Variants in WDFY2 observed in about 807,000 individuals in gnomAD.
WDFY2 encodes the protein WD repeat and FYVE domain-containing protein 2.
Under a neutral mutation model 56.4 loss-of-function variants are expected in WDFY2, and 36 were observed. The ratio of observed to expected loss-of-function variants is 0.64; its 90% CI spans 0.49 to 0.84. The LOEUF is 0.84. Ranked by LOEUF, WDFY2 falls within the 40% of genes least tolerant of loss-of-function variation. The pLI, the probability that WDFY2 is intolerant of heterozygous loss-of-function variation, is 0.00. For missense variants in WDFY2, 444 were observed against 512.2 expected (o/e 0.87, Z 1.29); for synonymous variants, 176 against 183.7 (o/e 0.96, Z 0.34).
At chr13:51,726,596 T>A (rs1423632783) in intron 5 of WDFY2, among the ~76,000 whole-genome samples, 6 of 152,208 alleles carry the variant, frequency 3.9e-5, no homozygotes, top group Non-Finnish European at 7.3e-5. Flanking sequence ...AAGCAGGTAT[T>A]CAGTGTAAGC....
chr13:51,587,014 G>A (rs1413434373), intron 1 of WDFY2: 1 of 152,078 alleles, frequency 6.6e-6, no homozygotes, highest in East Asian at 1.9e-4. Flanking sequence ...CTAAATATAT[G>A]AAAATGTAAT....
rs1382860483 is a variant in WDFY2, at chr13:51,759,929, C to A, written c.*160C>A. On this transcript the variant is annotated 3_prime_UTR_variant, in exon 12 of 12. Coordinates refer to ENST00000298125, the MANE Select transcript of WDFY2 (RefSeq NM_052950.4). ...ACCCATGTGCACAGTGGGGACCTGG[C>A]CAGTGAGCACTCGCAAGGGGACTCT... 1.7e-5 allele frequency: 11 copies of A among 658,618 alleles called. No individual in the cohort carries two copies. In the East Asian group the frequency reaches 2.7e-4, roughly 16 times the overall value. 40.8% of individuals were successfully genotyped at this position (658,618 alleles called of 1,614,324 possible). A position where few individuals can be genotyped will look rare whatever the true frequency, so the allele number is the denominator to read the frequency against.
intron 10 of WDFY2, among the ~76,000 whole-genome samples, chr13:51,756,876 G>A (rs1012818179): frequency 3.9e-5 from 6 of 152,190 alleles, no homozygotes; most frequent in African/African-American, 1.4e-4. Flanking sequence ...GAGCTAAGTC[G>A]CTTTACCCAA....
chr13:51,625,722 A>G (rs1051496597), intron 1 of WDFY2, among the ~76,000 whole-genome samples: 3 of 152,212 alleles, frequency 2.0e-5, no homozygotes, highest in Non-Finnish European at 4.4e-5. Context: ...CTGAAATCCT[A>G]TGGAATTCAG....
At chr13:51,630,767 CT>C (rs892945137) in intron 1 of WDFY2, among the ~76,000 whole-genome samples, 163 of 135,682 alleles carry the variant, frequency 1.2e-3, no homozygotes, top group Middle Eastern at 3.8e-3. Flanking sequence ...TCAAGTTTTT[CT>C]TTTTTTTTTT....
intron 4 of WDFY2, among the ~76,000 whole-genome samples, chr13:51,716,545 T>C (rs1342863005): frequency 6.7e-6 from 1 of 150,342 alleles, no homozygotes; most frequent in East Asian, 1.9e-4. Flanking sequence ...ACAAAAAAAT[T>C]AGCCGGGCGT....
chr13:51,681,008 TTC>T (rs1430780303), intron 3 of WDFY2, among the ~76,000 whole-genome samples: 2 of 152,162 alleles, frequency 1.3e-5, no homozygotes, highest in African/African-American at 4.8e-5. Context: ...GGGCAGGAAT[TTC>T]AGCATTTAAT....
intron 1 of WDFY2, among the ~76,000 whole-genome samples, chr13:51,593,392 A>G (rs925622897): frequency 6.6e-6 from 1 of 152,198 alleles, no homozygotes; most frequent in African/African-American, 2.4e-5. Flanking sequence ...TGTTATACAT[A>G]TAGGTGTCCC....
intron 3 of WDFY2, among the ~76,000 whole-genome samples, chr13:51,689,582 C>A (rs180996165): frequency 1.3e-5 from 2 of 152,032 alleles, no homozygotes; most frequent in African/African-American, 4.8e-5. Flanking sequence ...TTATGGAGTT[C>A]GGAGCCTAAG....
At chr13:51,599,837 A>T (rs1222654452) in intron 1 of WDFY2, among the ~76,000 whole-genome samples, 1 of 152,114 alleles carries the variant, frequency 6.6e-6, no homozygotes, top group Non-Finnish European at 1.5e-5. Flanking sequence ...GTACTATTCA[A>T]CTTTTGTCAT....
chr13:51,669,038 A>G (rs1446942600), intron 2 of WDFY2, among the ~76,000 whole-genome samples: 3 of 152,236 alleles, frequency 2.0e-5, no homozygotes, highest in East Asian at 3.8e-4. Context: ...AATTTTAAAA[A>G]TACCAATTTT....
intron 4 of WDFY2, among the ~76,000 whole-genome samples, chr13:51,714,064 T>A (rs1303442071): frequency 6.6e-6 from 1 of 152,132 alleles, no homozygotes; most frequent in African/African-American, 2.4e-5. Context: ...AGTGTGAATG[T>A]ACTTAATGCC....
chr13:51,712,485 G>T (rs555860119), intron 4 of WDFY2, among the ~76,000 whole-genome samples: 1 of 152,214 alleles, frequency 6.6e-6, no homozygotes, highest in Non-Finnish European at 1.5e-5. Context: ...TTTATGGTAT[G>T]ATGCCATAGC....
chr13:51,699,191 A>G (rs1308925220), intron 3 of WDFY2, among the ~76,000 whole-genome samples: 3 of 152,234 alleles, frequency 2.0e-5, no homozygotes, highest in Non-Finnish European at 4.4e-5. Context: ...TAGGTGGTAC[A>G]ACTTTCTACA....
chr13:51,700,334 AAAAG>A (rs1310305828), intron 3 of WDFY2, among the ~76,000 whole-genome samples: 2 of 152,198 alleles, frequency 1.3e-5, no homozygotes, highest in African/African-American at 2.4e-5. Flanking sequence ...AAATAATAAA[AAAAG>A]AAGGAATAGA....
chr13:51,740,584 C>T (rs951119386), intron 7 of WDFY2, among the ~76,000 whole-genome samples: 2 of 151,982 alleles, frequency 1.3e-5, no homozygotes, highest in East Asian at 1.9e-4. Context: ...CATAGTGGCG[C>T]GTGCCTGTAA....
rs914299748 is a variant in WDFY2 at position 51,763,967 on chromosome 13, T to C, written c.*4198T>C. The C allele has an allele frequency of 3.3e-5, 5 of 152,244 alleles. No homozygotes were observed. The highest frequency in any genetic ancestry group is 1.2e-4 in the African/African-American group (5 of 41,464). The allele number at this position is 152,244 out of a possible 1,614,324, so 9.4% of individuals were successfully genotyped here. A position where few individuals can be genotyped will look rare whatever the true frequency, so the allele number is the denominator to read the frequency against. On this transcript the variant is annotated 3_prime_UTR_variant, in exon 12 of 12. Coordinates refer to ENST00000298125, the MANE Select transcript of WDFY2 (RefSeq NM_052950.4). ...GGCTGTTCATAGAATTTTAATTCTA[T>C]GTCAGTGTTCTTGTTCACTAAGATA...
chr13:51,655,722 G>A (rs1015800965), intron 1 of WDFY2, among the ~76,000 whole-genome samples: 3 of 152,070 alleles, frequency 2.0e-5, no homozygotes, highest in Non-Finnish European at 4.4e-5. Context: ...TCTGAAGTTT[G>A]AATAGGATTG....
intron 1 of WDFY2, among the ~76,000 whole-genome samples, chr13:51,656,588 A>G (rs577955828): frequency 2.0e-5 from 3 of 152,066 alleles, no homozygotes; most frequent in African/African-American, 7.2e-5. Flanking sequence ...AAAGTCTCCA[A>G]TTATTGTAGA....
Sources: allele counts gnomAD v4.1 joint callset (sites outside exome capture counted in the v4.1 genomes callset), GRCh38; gene constraint gnomAD v4.1.1; transcripts MANE v1.5; gene names NCBI Gene and HGNC (gene_info 2026-07-23, HGNC 2026-07-21).